The following KCNB2 variants were observed in gnomAD, a reference collection of about 807,000 sequenced individuals.
KCNB2 encodes the protein delayed rectifier potassium channel protein.
In KCNB2, 15 loss-of-function variants were observed where a neutral mutation model predicts 61.5. That is an observed-to-expected ratio of 0.24 (90% CI 0.16 to 0.38). The LOEUF (loss-of-function observed/expected upper bound fraction) is 0.38, where lower values mean the gene tolerates loss of function less well. Ranked by LOEUF, KCNB2 falls within the 10% of genes least tolerant of loss-of-function variation. The pLI is 1.00. For synonymous variants in KCNB2, 457 were observed against 446.0 expected, an observed-to-expected ratio of 1.02 and a Z score of -0.31; for missense variants, 828 against 1,125.2, an observed-to-expected ratio of 0.74 and a Z score of 3.78.
At chr8:72,607,326 A>G (rs1486923103) in intron 2 of KCNB2, among the ~76,000 whole-genome samples, 1 of 152,054 alleles carries the variant, frequency 6.6e-6, no homozygotes, top group Non-Finnish European at 1.5e-5. Context: ...CTAAAGTAGA[A>G]AGGACCATCC....
At chr8:72,901,044 T>C (rs564227829) in intron 2 of KCNB2, among the ~76,000 whole-genome samples, 2 of 152,298 alleles carry the variant, frequency 1.3e-5, no homozygotes, top group South Asian at 4.1e-4. Context: ...TCAGGTTCAC[T>C]GCAGCACTAT....
intron 1 of KCNB2, among the ~76,000 whole-genome samples, chr8:72,560,361 A>G (rs989916539): frequency 1.3e-5 from 2 of 152,216 alleles, no homozygotes; most frequent in Non-Finnish European, 2.9e-5. Context: ...GGAATGTAAA[A>G]CTTATGTCAT....
intron 2 of KCNB2, among the ~76,000 whole-genome samples, chr8:72,609,168 C>T (rs1272584646): frequency 6.6e-6 from 1 of 152,218 alleles, no homozygotes. Flanking sequence ...CATATAGTAG[C>T]TAATTAAATA....
chr8:72,873,641 T>C (rs1805654718), intron 2 of KCNB2, among the ~76,000 whole-genome samples: 1 of 152,124 alleles, frequency 6.6e-6, no homozygotes, highest in Admixed American at 6.5e-5. Flanking sequence ...TTGTTGAGAG[T>C]GTGGCAAGAG....
chr8:72,544,594 C>T (rs1018923715), intron 1 of KCNB2, among the ~76,000 whole-genome samples: 1 of 152,172 alleles, frequency 6.6e-6, no homozygotes, highest in Non-Finnish European at 1.5e-5. Context: ...ACGGCAAACA[C>T]TTGCAATCTA....
chr8:72,871,876 C>G (rs142138561), intron 2 of KCNB2, among the ~76,000 whole-genome samples: 1,684 of 152,304 alleles, frequency 0.011, 38 homozygotes, highest in African/African-American at 0.038. Context: ...AGAATAGTTT[C>G]AACTCATATG....
chr8:72,854,538 C>T (rs1402885500), intron 2 of KCNB2, among the ~76,000 whole-genome samples: 2 of 152,056 alleles, frequency 1.3e-5, no homozygotes, highest in African/African-American at 2.4e-5. Flanking sequence ...TCTGTGGGTA[C>T]AATGGTGAGG....
chr8:72,863,672 T>G (rs1211247354), intron 2 of KCNB2, among the ~76,000 whole-genome samples: 2 of 152,168 alleles, frequency 1.3e-5, no homozygotes, highest in Non-Finnish European at 2.9e-5. Flanking sequence ...AGAGCCCCCA[T>G]GGCAGCCCGC....
chr8:72,905,454 C>T (rs1401916663), intron 2 of KCNB2, among the ~76,000 whole-genome samples: 1 of 150,056 alleles, frequency 6.7e-6, no homozygotes, highest in Non-Finnish European at 1.5e-5. Flanking sequence ...TATTTGTGCA[C>T]TAAAATTATA....
At chr8:72,762,904 T>C (rs1337463400) in intron 2 of KCNB2, among the ~76,000 whole-genome samples, 1 of 143,948 alleles carries the variant, frequency 6.9e-6, no homozygotes, top group Non-Finnish European at 1.5e-5. Flanking sequence ...TATATATATA[T>C]AGTGTGCAAA....
At chr8:72,766,461 T>C (rs1369126955) in intron 2 of KCNB2, among the ~76,000 whole-genome samples, 4 of 152,204 alleles carry the variant, frequency 2.6e-5, no homozygotes, top group African/African-American at 9.6e-5. Context: ...TTAAACAAAG[T>C]TACTAGGTTG....
intron 2 of KCNB2, among the ~76,000 whole-genome samples, chr8:72,670,969 C>A (rs753898203): frequency 6.6e-6 from 1 of 152,194 alleles, no homozygotes; most frequent in Non-Finnish European, 1.5e-5. Flanking sequence ...TTAAATTCAT[C>A]TGTTATTATG....
chr8:72,669,200 A>G (rs575028983), intron 2 of KCNB2, among the ~76,000 whole-genome samples: 6 of 152,288 alleles, frequency 3.9e-5, no homozygotes, highest in Admixed American at 3.9e-4. Flanking sequence ...TTCCAGAATT[A>G]CTGGCATAGC....
chr8:72,583,695 G>C (rs2128980697), intron 2 of KCNB2, among the ~76,000 whole-genome samples: 1 of 152,148 alleles, frequency 6.6e-6, no homozygotes, highest in Admixed American at 6.5e-5. Flanking sequence ...ATAGAAAATT[G>C]AAAAGATGAA....
At chr8:72,726,542 A>C (rs1238707290) in intron 2 of KCNB2, among the ~76,000 whole-genome samples, 3 of 152,240 alleles carry the variant, frequency 2.0e-5, no homozygotes, top group Non-Finnish European at 4.4e-5. Context: ...ACTATAAGAC[A>C]GTATTAACTA....
intron 2 of KCNB2, among the ~76,000 whole-genome samples, chr8:72,611,407 C>T (rs1267155205): frequency 6.6e-6 from 1 of 152,192 alleles, no homozygotes; most frequent in Non-Finnish European, 1.5e-5. Context: ...TGCTTTCAAG[C>T]TTGCAACTCT....
chr8:72,922,594 C>G (rs900022928), intron 2 of KCNB2, among the ~76,000 whole-genome samples: 4 of 152,222 alleles, frequency 2.6e-5, no homozygotes, highest in Admixed American at 6.5e-5. Context: ...CAGGAATGCT[C>G]TCTTCAGCCT....
chr8:72,912,870 C>T (rs186080111), intron 2 of KCNB2, among the ~76,000 whole-genome samples: 5 of 152,200 alleles, frequency 3.3e-5, no homozygotes, highest in Non-Finnish European at 7.4e-5. Flanking sequence ...CTTCATTTTA[C>T]GGGCAAGGGA....
At chr8:72,786,092 C>T (rs887858526) in intron 2 of KCNB2, among the ~76,000 whole-genome samples, 3 of 150,230 alleles carry the variant, frequency 2.0e-5, no homozygotes, top group Non-Finnish European at 3.0e-5. Flanking sequence ...CTCGCATTTT[C>T]ACATTTAGTA....
Sources: allele counts gnomAD v4.1 joint callset (sites outside exome capture counted in the v4.1 genomes callset), GRCh38; gene constraint gnomAD v4.1.1; transcripts MANE v1.5; gene names NCBI Gene and HGNC (gene_info 2026-07-23, HGNC 2026-07-21).